The following RUNX2 variants were observed in gnomAD, a reference collection of about 807,000 sequenced individuals.
The protein encoded by RUNX2 is runt-related transcription factor 2.
A neutral mutation model predicts 51.7 loss-of-function variants in RUNX2; 10 were observed. That is an observed-to-expected ratio of 0.19 (90% CI 0.12 to 0.33). The LOEUF (loss-of-function observed/expected upper bound fraction) is 0.33. Among genes scored for constraint, RUNX2 ranks in the 10% least tolerant of loss-of-function variants. RUNX2 has a pLI of 1.00. For missense variants in RUNX2, 562 were observed against 691.3 expected (o/e 0.81, Z 2.10); for synonymous variants, 276 against 273.6 (o/e 1.01, Z -0.09).
intron 4 of RUNX2, among the ~76,000 whole-genome samples, chr6:45,434,258 C>G (rs1798620477): frequency 6.6e-6 from 1 of 152,132 alleles, no homozygotes; most frequent in Admixed American, 6.5e-5. Flanking sequence ...CCTTTGTACC[C>G]TTTGTACCTG....
intron 5 of RUNX2, among the ~76,000 whole-genome samples, chr6:45,474,953 A>G (rs1174027761): frequency 2.6e-5 from 4 of 152,024 alleles, no homozygotes; most frequent in Admixed American, 2.6e-4. Flanking sequence ...CTGGCCCATC[A>G]CATGGGCTAG....
intron 2 of RUNX2, among the ~76,000 whole-genome samples, chr6:45,394,997 G>A (rs564260155): frequency 1.2e-4 from 19 of 152,186 alleles, no homozygotes; most frequent in African/African-American, 4.6e-4. Context: ...GAATTTTATT[G>A]TTGCTCTTTT....
At chr6:45,520,789 C>G (rs750640934) in intron 7 of RUNX2, among the ~76,000 whole-genome samples, 1 of 151,292 alleles carries the variant, frequency 6.6e-6, no homozygotes, top group African/African-American at 2.4e-5. Context: ...GGTGTGATCT[C>G]GGCTCACTAC....
intron 5 of RUNX2, among the ~76,000 whole-genome samples, chr6:45,464,191 TA>T (rs34117694): frequency 0.27 from 38,493 of 143,010 alleles, 5,518 homozygotes; most frequent in Non-Finnish European, 0.35. Context: ...AGACTCCGTC[TA>T]AAAAAAAAAA....
At chr6:45,380,891 C>G (rs1797225887) in intron 2 of RUNX2, among the ~76,000 whole-genome samples, 1 of 152,108 alleles carries the variant, frequency 6.6e-6, no homozygotes, top group South Asian at 2.1e-4. Flanking sequence ...GGTTTCTTCT[C>G]ATGTGGATGC....
chr6:45,391,798 C>A (rs918307611), intron 2 of RUNX2, among the ~76,000 whole-genome samples: 2 of 152,148 alleles, frequency 1.3e-5, no homozygotes, highest in African/African-American at 4.8e-5. Context: ...GATTCAATTA[C>A]CTCTACCTGG....
At chr6:45,478,877 T>C (rs538813809) in intron 5 of RUNX2, among the ~76,000 whole-genome samples, 4 of 152,214 alleles carry the variant, frequency 2.6e-5, no homozygotes, top group East Asian at 3.9e-4. Context: ...ACAGACTTTT[T>C]TTTTCTTTTC....
intron 2 of RUNX2, among the ~76,000 whole-genome samples, chr6:45,362,473 T>C (rs1794432374): frequency 6.6e-6 from 1 of 152,190 alleles, no homozygotes; most frequent in Non-Finnish European, 1.5e-5. Context: ...ACTTTCTCAT[T>C]TGAAATATAC....
intron 2 of RUNX2, among the ~76,000 whole-genome samples, chr6:45,420,373 C>T (rs1798154024): frequency 6.6e-6 from 1 of 152,162 alleles, no homozygotes; most frequent in Admixed American, 6.5e-5. Flanking sequence ...GGGAGCAAAG[C>T]TCTAAAACCA....
intron 5 of RUNX2, among the ~76,000 whole-genome samples, chr6:45,443,933 C>T (rs1175103406): frequency 6.6e-6 from 1 of 152,026 alleles, no homozygotes; most frequent in Non-Finnish European, 1.5e-5. Flanking sequence ...TCACTGCAAC[C>T]TCCATCTTCC....
intron 3 of RUNX2, among the ~76,000 whole-genome samples, chr6:45,428,391 C>G (rs1421410752): frequency 6.6e-6 from 1 of 152,020 alleles, no homozygotes; most frequent in Admixed American, 6.6e-5. Flanking sequence ...ACAGTACTTC[C>G]CCCAACTCCC....
chr6:45,492,911 A>G (rs1272285275), intron 6 of RUNX2, among the ~76,000 whole-genome samples: 2 of 152,252 alleles, frequency 1.3e-5, no homozygotes, highest in African/African-American at 4.8e-5. Flanking sequence ...AAGGAAGTTT[A>G]CATGTCATCT....
chr6:45,413,165 T>G (rs1013322471), intron 2 of RUNX2, among the ~76,000 whole-genome samples: 1 of 152,134 alleles, frequency 6.6e-6, no homozygotes, highest in South Asian at 2.1e-4. Context: ...TGAAAGAAAA[T>G]AAGCCCCAAG....
At chr6:45,400,198 G>T (rs1797682584) in intron 2 of RUNX2, among the ~76,000 whole-genome samples, 1 of 149,214 alleles carries the variant, frequency 6.7e-6, no homozygotes, top group African/African-American at 2.5e-5. Context: ...AGGGAAGGAA[G>T]GAAGGAAGGA....
At chr6:45,375,826 T>TA (rs552598332) in intron 2 of RUNX2, among the ~76,000 whole-genome samples, 4,450 of 145,096 alleles carry the variant, frequency 0.031, 165 homozygotes, top group African/African-American at 0.091. Flanking sequence ...ACACTTGCTT[T>TA]AAAAAAAAAA....
intron 2 of RUNX2, among the ~76,000 whole-genome samples, chr6:45,390,584 G>A (rs1183131461): frequency 6.6e-6 from 1 of 152,156 alleles, no homozygotes; most frequent in Non-Finnish European, 1.5e-5. Flanking sequence ...GGTGTGGTGA[G>A]GGTATAAATG....
At chr6:45,504,313 T>A (rs1800892042) in intron 6 of RUNX2, among the ~76,000 whole-genome samples, 1 of 152,234 alleles carries the variant, frequency 6.6e-6, no homozygotes, top group Non-Finnish European at 1.5e-5. Flanking sequence ...GGGAGCTCAC[T>A]CTTCTGAGTG....
intron 2 of RUNX2, among the ~76,000 whole-genome samples, chr6:45,392,418 G>A (rs553643317): frequency 2.0e-5 from 3 of 152,138 alleles, no homozygotes; most frequent in Admixed American, 6.5e-5. Context: ...GCTGAGGCAG[G>A]AGGAATGCAT....
At chr6:45,341,408 A>G (rs1000442795) in intron 2 of RUNX2, among the ~76,000 whole-genome samples, 1 of 152,200 alleles carries the variant, frequency 6.6e-6, no homozygotes. Context: ...CTGCACCTAT[A>G]TTTAACTTGA....
Sources: allele counts gnomAD v4.1 joint callset (sites outside exome capture counted in the v4.1 genomes callset), GRCh38; gene constraint gnomAD v4.1.1; transcripts MANE v1.5; gene names NCBI Gene and HGNC (gene_info 2026-07-23, HGNC 2026-07-21).